The following GRID2 variants were observed in gnomAD, a reference collection of about 807,000 sequenced individuals.
GRID2 encodes the protein glutamate receptor ionotropic, delta-2.
Under a neutral mutation model 114.8 loss-of-function variants are expected in GRID2, and 33 were observed. The observed-to-expected ratio is 0.29, with a 90% CI of 0.22 to 0.38. The LOEUF (loss-of-function observed/expected upper bound fraction) is 0.38. GRID2 is among the 10% of genes least tolerant of loss of function. The pLI is 1.00. For synonymous variants in GRID2, 505 were observed against 449.9 expected (o/e 1.12, Z -1.55); for missense variants, 1,184 against 1,257.7 (o/e 0.94, Z 0.89).
chr4:93,498,724 A>G (rs1270323170), intron 12 of GRID2, among the ~76,000 whole-genome samples: 2 of 151,786 alleles, frequency 1.3e-5, no homozygotes, highest in Non-Finnish European at 2.9e-5. Flanking sequence ...TTACAAAGTC[A>G]GGTGGTTGTA....
Position 92,982,765 on chromosome 4 carries a change from GAAATA to G in GRID2, c.245-102223_245-102219del, listed in dbSNP as rs552784035. ...GGTGTTGTGTAGGGTAATAAAGAGA[GAAATA>G]AAATAATAATAGATGTTAAGCAGAG... On this transcript the variant is annotated intron_variant, in intron 2 of 15. Coordinates refer to ENST00000282020, the MANE Select transcript of GRID2 (RefSeq NM_001510.4). Among the ~76,000 whole-genome samples the G allele has an allele frequency of 3.3e-3, 509 of 152,098 alleles. 5 individuals are homozygous for G. Among genetic ancestry groups the G allele is most frequent in the African/African-American group, 0.01 (431 of 41,510 alleles).
intron 1 of GRID2, among the ~76,000 whole-genome samples, chr4:92,571,665 G>T (rs1416698565): frequency 6.6e-6 from 1 of 152,054 alleles, no homozygotes; most frequent in Non-Finnish European, 1.5e-5. Flanking sequence ...TAAAAGAACA[G>T]AAATTATAAC....
chr4:92,340,131 A>C (rs953418217), intron 1 of GRID2, among the ~76,000 whole-genome samples: 1 of 152,208 alleles, frequency 6.6e-6, no homozygotes, highest in Non-Finnish European at 1.5e-5. Flanking sequence ...TAAAGCTATT[A>C]CTTGTGAAAA....
rs555475580 is a variant in GRID2, at chr4:92,723,911, T to TA, written c.244+133629dup. On this transcript the variant is annotated intron_variant, in intron 2 of 15. Coordinates refer to ENST00000282020, the MANE Select transcript of GRID2 (RefSeq NM_001510.4). ...AAATGAGCATATTCAAAATAGCTAT[T>TA]AAAATCATAATTATTCAAAATGATT... Among the ~76,000 whole-genome samples, 1,031 of 152,282 alleles carry TA rather than the reference T, an allele frequency of 6.8e-3. 14 individuals are homozygous for TA. Among genetic ancestry groups the TA allele is most frequent in the African/African-American group, 0.022 (926 of 41,560 alleles).
intron 8 of GRID2, among the ~76,000 whole-genome samples, chr4:93,253,149 A>C (rs1035908393): frequency 6.6e-6 from 1 of 151,212 alleles, no homozygotes; most frequent in Non-Finnish European, 1.5e-5. Flanking sequence ...CCAGCTACTC[A>C]GGAGGCTGAG....
At chr4:93,740,677 T>C (rs1731288529) in intron 14 of GRID2, among the ~76,000 whole-genome samples, 1 of 152,166 alleles carries the variant, frequency 6.6e-6, no homozygotes, top group Non-Finnish European at 1.5e-5. Flanking sequence ...TTCAGAACCA[T>C]AAGACATAAC....
chr4:92,713,828 C>T (rs1397026562), intron 2 of GRID2, among the ~76,000 whole-genome samples: 1 of 151,916 alleles, frequency 6.6e-6, no homozygotes. Context: ...TTACCTCCCA[C>T]CAGGTCCCTC....
At chr4:93,721,923 T>TC (rs936852286) in intron 14 of GRID2, among the ~76,000 whole-genome samples, 5 of 148,790 alleles carry the variant, frequency 3.4e-5, no homozygotes, top group African/African-American at 7.4e-5. Flanking sequence ...CTTTTTTCTT[T>TC]TTTTTTTTTT....
At chr4:92,570,075 G>A (rs958676965) in intron 1 of GRID2, among the ~76,000 whole-genome samples, 25 of 152,076 alleles carry the variant, frequency 1.6e-4, no homozygotes, top group Admixed American at 7.2e-4. Flanking sequence ...TTCTTCAAGG[G>A]TTTGTTTAGT....
intron 2 of GRID2, among the ~76,000 whole-genome samples, chr4:92,754,611 C>G (rs1341685617): frequency 1.3e-5 from 2 of 152,084 alleles, no homozygotes; most frequent in Non-Finnish European, 2.9e-5. Context: ...GCGCCTGACA[C>G]AGTACAAAAC....
intron 2 of GRID2, among the ~76,000 whole-genome samples, chr4:92,770,556 T>A (rs1286845916): frequency 3.9e-5 from 6 of 152,148 alleles, no homozygotes; most frequent in Non-Finnish European, 1.5e-5. Context: ...TAAAGAGGTT[T>A]ATTGGACTTA....
intron 9 of GRID2, among the ~76,000 whole-genome samples, chr4:93,412,168 CA>C (rs1163631204): frequency 6.6e-6 from 1 of 151,334 alleles, no homozygotes. Context: ...ATAACTCCAG[CA>C]TTTGGGGATC....
At chr4:93,626,166 C>A in intron 13 of GRID2, 103 bp from the exon 14 acceptor site, 1 of 611,984 alleles carries the variant, frequency 1.6e-6, no homozygotes, top group Non-Finnish European at 2.9e-6. Context: ...TTATTTTTAG[C>A]ATAATTAAAT....
At chr4:93,137,375 T>C (rs918361101) in intron 4 of GRID2, among the ~76,000 whole-genome samples, 2 of 152,202 alleles carry the variant, frequency 1.3e-5, no homozygotes, top group African/African-American at 4.8e-5. Flanking sequence ...TTGAGAAATT[T>C]GCATTTTATA....
chr4:92,667,429 T>A (rs938680007), intron 2 of GRID2, among the ~76,000 whole-genome samples: 1 of 151,590 alleles, frequency 6.6e-6, no homozygotes, highest in Non-Finnish European at 1.5e-5. Flanking sequence ...GACGGTTTAA[T>A]CCCTCCTCTG....
At chr4:92,869,939 A>G (rs1194169483) in intron 2 of GRID2, among the ~76,000 whole-genome samples, 1 of 152,098 alleles carries the variant, frequency 6.6e-6, no homozygotes, top group East Asian at 1.9e-4. Flanking sequence ...CATGCCCATG[A>G]TCTCAGCATT....
chr4:92,360,616 C>A (rs987134328), intron 1 of GRID2, among the ~76,000 whole-genome samples: 2 of 151,932 alleles, frequency 1.3e-5, no homozygotes, highest in Non-Finnish European at 1.5e-5. Flanking sequence ...AGCCACCCAG[C>A]ATTGTTCAAC....
intron 2 of GRID2, among the ~76,000 whole-genome samples, chr4:92,945,155 T>A (rs1470315193): frequency 6.6e-6 from 1 of 152,190 alleles, no homozygotes; most frequent in African/African-American, 2.4e-5. Context: ...CTTCTATACA[T>A]CCTATTTCTT....
At chr4:93,091,674 G>T (rs1730803627) in intron 3 of GRID2, among the ~76,000 whole-genome samples, 1 of 151,938 alleles carries the variant, frequency 6.6e-6, no homozygotes, top group Non-Finnish European at 1.5e-5. Flanking sequence ...ATAAAAAATG[G>T]TGCAAGAGCT....
Sources: allele counts gnomAD v4.1 joint callset (sites outside exome capture counted in the v4.1 genomes callset), GRCh38; gene constraint gnomAD v4.1.1; transcripts MANE v1.5; gene names NCBI Gene and HGNC (gene_info 2026-07-23, HGNC 2026-07-21).